DRGX: variants seen among roughly 807,000 people sequenced by gnomAD.
DRGX encodes the protein dorsal root ganglia homeobox protein.
A neutral mutation model predicts 28.6 loss-of-function variants in DRGX; 21 were observed. The observed-to-expected ratio is 0.73, with a 90% CI of 0.52 to 1.06. The LOEUF (loss-of-function observed/expected upper bound fraction) is 1.06, where lower values mean the gene tolerates loss of function less well. Among genes scored for constraint, DRGX ranks in the 50% least tolerant of loss-of-function variants. The pLI, the probability that DRGX is intolerant of heterozygous loss-of-function variation, is 0.00. For missense variants in DRGX, 354 were observed against 343.9 expected, an observed-to-expected ratio of 1.03 and a Z score of -0.23; for synonymous variants, 136 against 139.1, an observed-to-expected ratio of 0.98 and a Z score of 0.16.
At chr10:49,378,614 T>G (rs1849740806) in intron 6 of DRGX, among the ~76,000 whole-genome samples, 2 of 152,246 alleles carry the variant, frequency 1.3e-5, no homozygotes, top group African/African-American at 4.8e-5. Context: ...GCCAGATGCC[T>G]GTTTTCACCA....
intron 2 of DRGX, among the ~76,000 whole-genome samples, chr10:49,392,136 A>G (rs1481806371): frequency 1.3e-5 from 2 of 152,240 alleles, no homozygotes; most frequent in East Asian, 3.8e-4. Context: ...GATAGTCCAC[A>G]ATGGCTTCTT....
chr10:49,384,785 C>A (rs181885620), intron 6 of DRGX, among the ~76,000 whole-genome samples: 1 of 152,314 alleles, frequency 6.6e-6, no homozygotes, highest in East Asian at 1.9e-4. Flanking sequence ...GTCTCCCCAC[C>A]CTCCTGGCTG....
intron 4 of DRGX, 29 bp from the exon 5 acceptor site, chr10:49,386,887 G>C: frequency 6.6e-7 from 1 of 1,516,218 alleles, no homozygotes; most frequent in Non-Finnish European, 8.8e-7. Context: ...CATACACCCA[G>C]TGAAAATCAA....
At chr10:49,390,478 G>A (rs1303615058) in intron 3 of DRGX, among the ~76,000 whole-genome samples, 1 of 152,168 alleles carries the variant, frequency 6.6e-6, no homozygotes, top group Non-Finnish European at 1.5e-5. Context: ...TAAGAGAGGT[G>A]TGAATATTTA....
chr10:49,391,864 T>A (rs753398018), intron 2 of DRGX: 9 of 523,650 alleles, frequency 1.7e-5, no homozygotes, highest in Non-Finnish European at 3.1e-5. Flanking sequence ...AGCACCATAG[T>A]GGATCTGTTA....
chr10:49,383,245 G>A (rs180797100), intron 6 of DRGX, among the ~76,000 whole-genome samples: 2 of 152,344 alleles, frequency 1.3e-5, no homozygotes, highest in Admixed American at 1.3e-4. Context: ...ACTACCGTGA[G>A]AATTGAATGG....
intron 6 of DRGX, among the ~76,000 whole-genome samples, chr10:49,377,831 G>A (rs1727137872): frequency 6.6e-6 from 1 of 152,130 alleles, no homozygotes; most frequent in Admixed American, 6.6e-5. Context: ...TAACACAACA[G>A]TTGCTATTTT....
intron 2 of DRGX, among the ~76,000 whole-genome samples, chr10:49,394,127 C>T (rs916900839): frequency 2.0e-5 from 3 of 152,144 alleles, no homozygotes; most frequent in Non-Finnish European, 4.4e-5. Context: ...TAAAACCCAC[C>T]CTGCATGGGA....
chr10:49,379,640 A>G (rs1023416715), intron 6 of DRGX, among the ~76,000 whole-genome samples: 7 of 152,290 alleles, frequency 4.6e-5, no homozygotes, highest in Middle Eastern at 3.4e-3. Context: ...GCAAAGCAAA[A>G]CATCCTTGAC....
chr10:49,375,690 C>T (rs1027989239), intron 6 of DRGX, among the ~76,000 whole-genome samples: 1 of 152,184 alleles, frequency 6.6e-6, no homozygotes, highest in East Asian at 1.9e-4. Context: ...TGCTGTGACA[C>T]AGTCTCAGGG....
intron 6 of DRGX, among the ~76,000 whole-genome samples, chr10:49,382,594 C>T (rs531473783): frequency 1.1e-3 from 172 of 152,308 alleles, no homozygotes; most frequent in Non-Finnish European, 2.0e-3. Flanking sequence ...ATTTCTACAG[C>T]CTGGGGAAAC....
At chr10:49,368,467 G>T (rs766779732) in intron 6 of DRGX, among the ~76,000 whole-genome samples, 22 of 152,258 alleles carry the variant, frequency 1.4e-4, no homozygotes, top group Non-Finnish European at 2.4e-4. Context: ...AAACCCCGAG[G>T]CCTGGCTGCT....
At chr10:49,377,086 G>A (rs962133022) in intron 6 of DRGX, among the ~76,000 whole-genome samples, 1 of 152,182 alleles carries the variant, frequency 6.6e-6, no homozygotes, top group Admixed American at 6.5e-5. Flanking sequence ...GGAGAGCCTC[G>A]AGGTCTCTGG....
chr10:49,390,816 GT>G (rs71471342), intron 3 of DRGX, among the ~76,000 whole-genome samples: 46,819 of 152,098 alleles, frequency 0.31, 9,125 homozygotes, highest in Non-Finnish European at 0.44. Context: ...CAGGGATCCG[GT>G]TTTTCATCTC....
chr10:49,391,366 C>G, intron 2 of DRGX, 105 bp from the exon 3 acceptor site: 1 of 803,760 alleles, frequency 1.2e-6, no homozygotes, highest in East Asian at 2.7e-5. Context: ...AGACAGGAAG[C>G]CCTGTTTGTC....
At chr10:49,377,772 CAGA>C (rs1171027171) in intron 6 of DRGX, among the ~76,000 whole-genome samples, 1 of 152,200 alleles carries the variant, frequency 6.6e-6, no homozygotes, top group Non-Finnish European at 1.5e-5. Context: ...GGAAAAGCAG[CAGA>C]AGAACTGCCC....
chr10:49,373,840 T>C (rs1849689860), intron 6 of DRGX, among the ~76,000 whole-genome samples: 1 of 152,184 alleles, frequency 6.6e-6, no homozygotes. Flanking sequence ...TGTACATATA[T>C]ATATGTACAG....
Position 49,395,284 on chromosome 10 carries a change from A to T in DRGX, c.34+123T>A, listed in dbSNP as rs936022550. ...GAGGGGTCCAGGGAGGCCCCTACTC[A>T]CCGGCAGGCGGCTGCGCCCCCCGCA... On this transcript the variant is annotated intron_variant, in intron 2 of 6. Coordinates refer to ENST00000374139, the MANE Select transcript of DRGX (RefSeq NM_001276451.2). 1.2e-4 allele frequency: 155 copies of T among 1,243,458 alleles called. 2 individuals carry two copies. Among genetic ancestry groups the T allele is most frequent in the Non-Finnish European group, 1.6e-4 (143 of 890,060 alleles). The allele number at this position is 1,243,458 out of a possible 1,614,324, so 77.0% of individuals were successfully genotyped here. A position where few individuals can be genotyped will look rare whatever the true frequency, so the allele number is the denominator to read the frequency against.
rs775944524 is a variant in DRGX, at chr10:49,366,141, T to C, written c.767A>G (p.Gln256Arg). 5.0e-6 allele frequency: 8 copies of C among 1,605,270 alleles called. No homozygotes were observed. The Admixed American group carries it at 5.0e-5, about 10-fold the overall frequency. ...TCATACACTCTTCTCTGCCTCGCTC[T>C]GTTCCTTGGTGGGAGAGGTCTTTTC... ...SQEKTSPTKE[Q>R]SEAEKSV The change falls in exon 7 of 7, where the codon CAG becomes CGG. Residue 256 changes from glutamine to arginine, a missense_variant. Transcript: ENST00000374139.
Sources: gnomAD v4.1 joint callset for allele counts (sites outside exome capture counted in the v4.1 genomes callset) on GRCh38, gnomAD v4.1.1 for gene constraint, MANE v1.5 for transcripts, NCBI Gene and HGNC (gene_info 2026-07-23, HGNC 2026-07-21) for gene names.